Variants in SKAP1 observed in about 807,000 individuals in gnomAD.
SKAP1 encodes the protein src kinase associated phosphoprotein 1, also known as src kinase-associated phosphoprotein 1.
Under a neutral mutation model 58.5 loss-of-function variants are expected in SKAP1, and 44 were observed. The ratio of observed to expected loss-of-function variants is 0.75; its 90% confidence interval spans 0.59 to 0.97. The LOEUF is 0.97. Among genes scored for constraint, SKAP1 ranks in the 50% least tolerant of loss-of-function variants. The probability of loss-of-function intolerance (pLI) is 0.00; values close to 1 mark genes in which losing one functional copy is unlikely to be tolerated. For synonymous variants in SKAP1, 127 were observed against 149.7 expected, an observed-to-expected ratio of 0.85 and a Z score of 1.11; for missense variants, 390 against 435.2, an observed-to-expected ratio of 0.90 and a Z score of 0.92.
chr17:48,340,236 G>C (rs1225662410), intron 4 of SKAP1, among the ~76,000 whole-genome samples: 1 of 152,042 alleles, frequency 6.6e-6, no homozygotes, highest in East Asian at 1.9e-4. Flanking sequence ...CATAGATTTA[G>C]AGGCGAAACT....
intron 4 of SKAP1, among the ~76,000 whole-genome samples, chr17:48,298,755 T>C (rs2066016982): frequency 6.6e-6 from 1 of 152,208 alleles, no homozygotes; most frequent in South Asian, 2.1e-4. Flanking sequence ...TTTTTCTATT[T>C]TCCAGTGCAA....
intron 11 of SKAP1, among the ~76,000 whole-genome samples, chr17:48,143,742 C>T (rs1239860624): frequency 2.0e-5 from 3 of 152,208 alleles, no homozygotes; most frequent in African/African-American, 7.2e-5. Context: ...AGTCAACTTG[C>T]TGAAATGTGT....
At chr17:48,417,193 G>A (rs1010175066) in intron 1 of SKAP1, among the ~76,000 whole-genome samples, 1 of 152,190 alleles carries the variant, frequency 6.6e-6, no homozygotes, top group Non-Finnish European at 1.5e-5. Flanking sequence ...TGTTCTGGTT[G>A]TGGCTAGGTT....
At chr17:48,406,076 C>A (rs1159021584) in intron 1 of SKAP1, among the ~76,000 whole-genome samples, 2 of 151,784 alleles carry the variant, frequency 1.3e-5, no homozygotes, top group Non-Finnish European at 2.9e-5. Context: ...ACCATCCTTG[C>A]CAACATGGTG....
intron 4 of SKAP1, among the ~76,000 whole-genome samples, chr17:48,202,652 G>A (rs1045430385): frequency 1.3e-5 from 2 of 152,072 alleles, no homozygotes; most frequent in Non-Finnish European, 2.9e-5. Flanking sequence ...GGAAAATGAG[G>A]GTGATGTTTC....
chr17:48,218,813 A>G (rs1480280792), intron 4 of SKAP1, among the ~76,000 whole-genome samples: 1 of 152,150 alleles, frequency 6.6e-6, no homozygotes, highest in Non-Finnish European at 1.5e-5. Flanking sequence ...TGTTACTTCT[A>G]TTGTAGGGTG....
chr17:48,222,950 G>A (rs185263326), intron 4 of SKAP1, among the ~76,000 whole-genome samples: 22 of 149,032 alleles, frequency 1.5e-4, no homozygotes, highest in Middle Eastern at 3.6e-3. Flanking sequence ...TGTAATCCCA[G>A]CTACTCGGGA....
At chr17:48,208,260 C>G (rs558160970) in intron 4 of SKAP1, among the ~76,000 whole-genome samples, 3 of 152,306 alleles carry the variant, frequency 2.0e-5, no homozygotes, top group Admixed American at 6.5e-5. Context: ...TCTCTTACCT[C>G]TTACCATGTC....
At chr17:48,390,432 A>T (rs376296255) in intron 2 of SKAP1, among the ~76,000 whole-genome samples, 13 of 152,352 alleles carry the variant, frequency 8.5e-5, no homozygotes, top group East Asian at 3.9e-4. Flanking sequence ...TGTATGAATT[A>T]AGTCCATCTA....
intron 4 of SKAP1, among the ~76,000 whole-genome samples, chr17:48,190,630 C>T (rs1203270087): frequency 1.3e-5 from 2 of 152,010 alleles, no homozygotes; most frequent in Admixed American, 6.6e-5. Context: ...TTTTTAAGTT[C>T]ATAGAAGAAG....
At chr17:48,422,050 A>C (rs2067800979) in intron 1 of SKAP1, among the ~76,000 whole-genome samples, 1 of 152,072 alleles carries the variant, frequency 6.6e-6, no homozygotes. Context: ...ATCTCTACTG[A>C]AAATACAAAA....
chr17:48,190,572 AT>A (rs201287744), intron 4 of SKAP1, among the ~76,000 whole-genome samples: 1 of 152,026 alleles, frequency 6.6e-6, no homozygotes, highest in Admixed American at 6.6e-5. Context: ...TACACACTCA[AT>A]TTTTTTTCTC....
chr17:48,228,012 T>C (rs1264981248), intron 4 of SKAP1, among the ~76,000 whole-genome samples: 1 of 152,230 alleles, frequency 6.6e-6, no homozygotes, highest in African/African-American at 2.4e-5. Flanking sequence ...TTTCTGTGTA[T>C]ATCCTGATCA....
At chr17:48,433,797 GA>G (rs1390017892), upstream of SKAP1, among the ~76,000 whole-genome samples, 1 of 152,186 alleles carries the variant, frequency 6.6e-6, no homozygotes, top group African/African-American at 2.4e-5. Flanking sequence ...AGAAGACACA[GA>G]AAATAGGGCC....
rs144730042 is a variant in SKAP1 at position 48,265,609 on chromosome 17, C to T, written c.281-76109G>A. Among the ~76,000 whole-genome samples the T allele has an allele frequency of 4.2e-3, 636 of 152,126 alleles. 2 individuals are homozygous for T. The highest frequency in any genetic ancestry group is 6.1e-3 in the Non-Finnish European group (413 of 68,016). On this transcript the variant is annotated intron_variant, in intron 4 of 12. Transcript: ENST00000336915. ...TCAAATTATTTTTTAAGCATATTGA[C>T]GTGGTACTTAAAAATCAGCACACAG...
At chr17:48,188,366 C>T (rs2064487570) in intron 5 of SKAP1, among the ~76,000 whole-genome samples, 3 of 152,172 alleles carry the variant, frequency 2.0e-5, no homozygotes, top group African/African-American at 4.8e-5. Context: ...GTGGTACCTA[C>T]TCTAATTAAA....
At chr17:48,215,904 C>T (rs996396097) in intron 4 of SKAP1, among the ~76,000 whole-genome samples, 7 of 152,176 alleles carry the variant, frequency 4.6e-5, no homozygotes, top group African/African-American at 1.7e-4. Flanking sequence ...GCAAGCTCAC[C>T]TTTCAGGAGA....
At chr17:48,322,742 C>T (rs1598567058) in intron 4 of SKAP1, among the ~76,000 whole-genome samples, 1 of 152,166 alleles carries the variant, frequency 6.6e-6, no homozygotes, top group Non-Finnish European at 1.5e-5. Context: ...AAAAACCTGC[C>T]CTCTGCACTT....
chr17:48,408,553 C>T (rs540194227), intron 1 of SKAP1, among the ~76,000 whole-genome samples: 1 of 152,014 alleles, frequency 6.6e-6, no homozygotes, highest in Non-Finnish European at 1.5e-5. Flanking sequence ...ATATAAAATA[C>T]TAGTAAATCA....
Sources: allele counts gnomAD v4.1 joint callset (sites outside exome capture counted in the v4.1 genomes callset), GRCh38; gene constraint gnomAD v4.1.1; transcripts MANE v1.5; gene names NCBI Gene and HGNC (gene_info 2026-07-23, HGNC 2026-07-21).